CLCA1: variants seen among roughly 807,000 people sequenced by gnomAD.
CLCA1 encodes calcium-activated chloride channel regulator 1.
A neutral mutation model predicts 85.6 loss-of-function variants in CLCA1; 59 were observed. The ratio of observed to expected loss-of-function variants is 0.69; its 90% CI spans 0.56 to 0.86. The LOEUF is 0.86. Ranked by LOEUF, CLCA1 falls within the 40% of genes least tolerant of loss-of-function variation. The probability of loss-of-function intolerance (pLI) is 0.00; values close to 1 mark genes in which losing one functional copy is unlikely to be tolerated. For synonymous variants in CLCA1, 396 were observed against 398.3 expected, an observed-to-expected ratio of 0.99 and a Z score of 0.07; for missense variants, 1,022 against 1,101.4, an observed-to-expected ratio of 0.93 and a Z score of 1.02.
chr1:86,490,951 T>C (rs2791499), intron 8 of CLCA1, among the ~76,000 whole-genome samples: 62,325 of 150,516 alleles, frequency 0.41, 13,544 homozygotes, highest in Non-Finnish European at 0.48. Context: ...TGGCATATGC[T>C]TGTAATCCCA....
intron 9 of CLCA1, 126 bp downstream of exon 9, chr1:86,491,497 C>G: frequency 1.7e-6 from 1 of 584,104 alleles, no homozygotes; most frequent in Non-Finnish European, 3.0e-6. Flanking sequence ...AATAGAAGGT[C>G]CAGCTTGATA....
intron 1 of CLCA1, among the ~76,000 whole-genome samples, chr1:86,469,670 A>C (rs985493072): frequency 1.3e-5 from 2 of 152,112 alleles, no homozygotes; most frequent in Admixed American, 6.6e-5. Flanking sequence ...ATTTCTTGCT[A>C]CCTCTTATGT....
Position 86,482,228 on chromosome 1 carries a change from C to T in CLCA1, c.581C>T (p.Thr194Ile), listed in dbSNP as rs781644004. The T allele has an allele frequency of 2.5e-6, 4 of 1,613,644 alleles. No homozygotes were observed. Among genetic ancestry groups the T allele is most frequent in the East Asian group, 2.2e-5 (1 of 44,868 alleles). The change falls in exon 5 of 14, where the codon ACA becomes ATA. Residue 194 changes from threonine to isoleucine, a missense_variant. Coordinates refer to ENST00000394711, the MANE Select transcript of CLCA1 (RefSeq NM_001285.4). ...AVRCSAGITG[T>I]NVVKKCQGGS... ...AGATGTTCAGCAGGTATTACTGGTA[C>T]AAATGTAGTAAAGAAGTGTCAGGGA...
intron 1 of CLCA1, among the ~76,000 whole-genome samples, 167 bp from the exon 2 acceptor site, chr1:86,473,250 G>C (rs1248606840): frequency 6.6e-6 from 1 of 152,168 alleles, no homozygotes; most frequent in Non-Finnish European, 1.5e-5. Context: ...TTTGGTAAAT[G>C]CTCTCAAAGC....
chr1:86,499,718 T>A lies in CLCA1; in HGVS notation c.2418T>A (p.Ser806=), dbSNP rs1444785150. 1 of 1,605,128 alleles carries A rather than the reference T, an allele frequency of 6.2e-7. No individual in the cohort carries two copies. The highest frequency in any genetic ancestry group is 8.5e-7 in the Non-Finnish European group (1 of 1,172,122). The change falls in exon 14 of 14, where the codon TCT becomes TCA. Residue 806 remains serine, a synonymous_variant. Transcript: ENST00000394711. Reference sequence around the variant, plus strand: ...ATCTCAGAGACAAGTTCAATGAATCTCTTCAAGTGAATACTACTGCTCTCA... The same window carrying A: ...ATCTCAGAGACAAGTTCAATGAATCACTTCAAGTGAATACTACTGCTCTCA... The part of the protein sequence containing the change: ...ILDLRDKFNE[S]LQVNTTALIP...
intron 1 of CLCA1, among the ~76,000 whole-genome samples, chr1:86,470,123 AG>A (rs1647461791): frequency 6.6e-6 from 1 of 152,178 alleles, no homozygotes; most frequent in East Asian, 1.9e-4. Flanking sequence ...TAATAGAACA[AG>A]GGCCCAGAGG....
At chr1:86,482,003 T>C (rs1184769691) in intron 4 of CLCA1, among the ~76,000 whole-genome samples, 2 of 152,308 alleles carry the variant, frequency 1.3e-5, no homozygotes, top group East Asian at 3.9e-4. Flanking sequence ...TCTGATACCA[T>C]TTTTGCAATC....
Position 86,488,990 on chromosome 1 carries a change from C to T in CLCA1, c.1183-6C>T. ...TGATAACTCGTGCCCTAAATTCTGT[C>T]CTTAGGTGATTAGGAAGAAATATCC... On this transcript the variant is annotated splice_polypyrimidine_tract_variant and splice_region_variant and intron_variant, in intron 7 of 13. Transcript: ENST00000394711. 2 of 1,612,532 alleles carry T rather than the reference C, an allele frequency of 1.2e-6. No homozygotes were observed. The highest frequency in any genetic ancestry group is 1.7e-6 in the Non-Finnish European group (2 of 1,178,872).
rs777458992 is a variant in CLCA1 at position 86,498,805 on chromosome 1, G to A, written c.2347G>A (p.Gly783Arg). 1.2e-6 allele frequency: 2 copies of A among 1,613,454 alleles called. No homozygotes were observed. The highest frequency in any genetic ancestry group is 3.3e-5 in the Admixed American group (2 of 59,992). ...AGCTCCTGGGGATGATTATGACCAT[G>A]GAACAGGTAAGCTGAACCTGGTGTG... ...WTAPGDDYDH[G>R]TAHKYIIRIS... The change falls in exon 13 of 14, where the codon GGA becomes AGA. Residue 783 changes from glycine to arginine, a missense_variant. Coordinates refer to ENST00000394711, the MANE Select transcript of CLCA1 (RefSeq NM_001285.4).
chr1:86,500,166 T>G lies in CLCA1; in HGVS notation c.*121T>G. 1 of 626,126 alleles carries G rather than the reference T, an allele frequency of 1.6e-6. No individual in the cohort carries two copies. The highest frequency in any genetic ancestry group is 2.3e-5 in the South Asian group (1 of 44,020). The allele number at this position is 626,126 out of a possible 1,614,324, so 38.8% of individuals were successfully genotyped here. ...GATATACTAAATGTATATAGTACATTTATACTAAATGTATTCCTGTAGGGG... is the reference window on the plus strand; with the variant it reads ...GATATACTAAATGTATATAGTACATGTATACTAAATGTATTCCTGTAGGGG... On this transcript the variant is annotated 3_prime_UTR_variant, in exon 14 of 14. Coordinates refer to ENST00000394711, the MANE Select transcript of CLCA1 (RefSeq NM_001285.4).
intron 4 of CLCA1, among the ~76,000 whole-genome samples, chr1:86,481,288 C>A (rs760685313): frequency 6.6e-6 from 1 of 151,918 alleles, no homozygotes; most frequent in Non-Finnish European, 1.5e-5. Flanking sequence ...AGGTGCGCAA[C>A]ACCATGCCCA....
intron 9 of CLCA1, among the ~76,000 whole-genome samples, chr1:86,492,554 A>G (rs994107078): frequency 1.3e-5 from 2 of 152,214 alleles, no homozygotes; most frequent in African/African-American, 4.8e-5. Flanking sequence ...TGAAACTAGG[A>G]AATCTGGCTC....
At chr1:86,474,703 T>C (rs1647598712) in intron 3 of CLCA1, among the ~76,000 whole-genome samples, 1 of 152,046 alleles carries the variant, frequency 6.6e-6, no homozygotes, top group Non-Finnish European at 1.5e-5. Flanking sequence ...GCAATTCATC[T>C]CTCAAAAACA....
rs1305051221 is a variant in CLCA1 at position 86,498,635 on chromosome 1, T to A, written c.2177T>A (p.Val726Glu). ...INKDDVQHKQVCFSRTSSGGS... is the reference protein window; with the variant it reads ...INKDDVQHKQECFSRTSSGGS... ...AAGGATGATGTTCAACACAAGCAAG[T>A]GTGTTTCAGCAGAACATCCTCGGGA... Residue 726 changes from valine to glutamate, a missense_variant, in exon 13 of 14, where the codon GTG becomes GAG. Physicochemically the swap from Val to Glu is moderately radical, Grantham distance 121. Coordinates refer to ENST00000394711, the MANE Select transcript of CLCA1 (RefSeq NM_001285.4). The A allele has an allele frequency of 1.9e-6, 3 of 1,613,620 alleles. No homozygotes were observed. Among genetic ancestry groups the A allele is most frequent in the Non-Finnish European group, 2.5e-6 (3 of 1,179,886 alleles).
At chr1:86,471,348 A>G (rs1217470499) in intron 1 of CLCA1, among the ~76,000 whole-genome samples, 2 of 152,214 alleles carry the variant, frequency 1.3e-5, no homozygotes, top group Non-Finnish European at 2.9e-5. Flanking sequence ...AGTGGTCAAT[A>G]TACTGTCCCT....
chr1:86,482,426 T>G (rs1647844839), intron 5 of CLCA1, 44 bp downstream of exon 5: 3 of 1,562,278 alleles, frequency 1.9e-6, no homozygotes, highest in Middle Eastern at 1.7e-4. Context: ...TCTTATGAAT[T>G]TAGTGAGGCT....
Position 86,499,814 on chromosome 1 carries a change from A to C in CLCA1, c.2514A>C (p.Thr838=), listed in dbSNP as rs753761220. ...AAAACATTACTTTTGAAAATGGCAC[A>C]GATCTTTTCATTGCTATTCAGGCTG... ...KPENITFENG[T]DLFIAIQAVD... Residue 838 remains threonine (T), a synonymous_variant, in exon 14 of 14, where the codon ACA becomes ACC. Coordinates refer to ENST00000394711, the MANE Select transcript of CLCA1 (RefSeq NM_001285.4). 6.2e-6 allele frequency: 10 copies of C among 1,613,732 alleles called. No individual in the cohort carries two copies. In the South Asian group the frequency reaches 8.8e-5, roughly 14 times the overall value.
intron 8 of CLCA1, among the ~76,000 whole-genome samples, chr1:86,490,889 A>C (rs1454639801): frequency 1.4e-5 from 2 of 139,096 alleles, no homozygotes; most frequent in Admixed American, 1.5e-4. Context: ...AACATGGCAA[A>C]ACCCATCTCT....
intron 4 of CLCA1, among the ~76,000 whole-genome samples, chr1:86,481,881 G>T (rs1433037149): frequency 4.6e-5 from 7 of 152,202 alleles, no homozygotes; most frequent in Non-Finnish European, 8.8e-5. Flanking sequence ...GAGGGCTCTT[G>T]ACCTGCTAGG....
Sources: gnomAD v4.1 joint callset for allele counts (sites outside exome capture counted in the v4.1 genomes callset) on GRCh38, gnomAD v4.1.1 for gene constraint, MANE v1.5 for transcripts, NCBI Gene and HGNC (gene_info 2026-07-23, HGNC 2026-07-21) for gene names.